The following RBFOX1 variants were observed in gnomAD, a reference collection of about 807,000 sequenced individuals.
RBFOX1 encodes the protein RNA binding protein fox-1 homolog 1.
Under a neutral mutation model 57.7 loss-of-function variants are expected in RBFOX1, and 8 were observed. That is an observed-to-expected ratio of 0.14 (90% CI 0.08 to 0.25). RBFOX1 has a LOEUF of 0.25. Ranked by LOEUF, RBFOX1 falls within the 10% of genes least tolerant of loss-of-function variation. The pLI, the probability that RBFOX1 is intolerant of heterozygous loss-of-function variation, is 1.00. For missense variants in RBFOX1, 611 were observed against 548.5 expected (o/e 1.11, Z -1.14); for synonymous variants, 326 against 222.4 (o/e 1.47, Z -4.15).
intron 13 of RBFOX1, among the ~76,000 whole-genome samples, chr16:7,668,016 G>C (rs772178332): frequency 3.9e-5 from 6 of 152,248 alleles, no homozygotes; most frequent in South Asian, 2.1e-4. Context: ...TCAGTTTCTA[G>C]CTTCGGTCAC....
intron 2 of RBFOX1, chr16:5,467,332 A>G (rs1244665237): frequency 2.2e-6 from 3 of 1,370,522 alleles, no homozygotes; most frequent in Non-Finnish European, 1.0e-6. Context: ...ATCTTGCGTC[A>G]CAGCCCTGCA....
chr16:5,652,067 G>A (rs559232492), intron 3 of RBFOX1, among the ~76,000 whole-genome samples: 1 of 152,274 alleles, frequency 6.6e-6, no homozygotes, highest in South Asian at 2.1e-4. Flanking sequence ...CTTGGAGGAA[G>A]AGGTTCTAGT....
At chr16:5,869,376 A>G (rs950338019) in intron 4 of RBFOX1, among the ~76,000 whole-genome samples, 1 of 152,278 alleles carries the variant, frequency 6.6e-6, no homozygotes, top group East Asian at 1.9e-4. Context: ...GAAAACGATC[A>G]TGTTGCCCCT....
At chr16:6,366,412 A>G (rs1466433723) in intron 2 of RBFOX1, among the ~76,000 whole-genome samples, 1 of 152,154 alleles carries the variant, frequency 6.6e-6, no homozygotes, top group Admixed American at 6.5e-5. Context: ...TACTACAGAC[A>G]TCATGTCCCC....
intron 3 of RBFOX1, among the ~76,000 whole-genome samples, chr16:5,726,483 T>G (rs1050409064): frequency 4.6e-5 from 7 of 152,196 alleles, no homozygotes; most frequent in African/African-American, 1.7e-4. Flanking sequence ...TGTCCCGCTT[T>G]CCTTCACTCT....
At chr16:7,052,846 T>C (rs948166134) in intron 4 of RBFOX1, among the ~76,000 whole-genome samples, 1 of 152,186 alleles carries the variant, frequency 6.6e-6, no homozygotes, top group African/African-American at 2.4e-5. Flanking sequence ...TTTCAGTGGA[T>C]GAGATTTAGA....
intron 4 of RBFOX1, among the ~76,000 whole-genome samples, chr16:5,974,494 C>T (rs1163574534): frequency 6.6e-6 from 1 of 151,968 alleles, no homozygotes; most frequent in African/African-American, 2.4e-5. Flanking sequence ...CCTGTAATCC[C>T]AGCTACTCGG....
chr16:6,366,838 G>T (rs1028286087), intron 2 of RBFOX1, among the ~76,000 whole-genome samples: 1 of 152,154 alleles, frequency 6.6e-6, no homozygotes, highest in Non-Finnish European at 1.5e-5. Flanking sequence ...CTCTGCTTTT[G>T]TGCTTTTCTG....
At chr16:6,192,954 A>G (rs2097151309) in intron 1 of RBFOX1, among the ~76,000 whole-genome samples, 1 of 152,166 alleles carries the variant, frequency 6.6e-6, no homozygotes, top group Non-Finnish European at 1.5e-5. Context: ...TAAATGTCCC[A>G]ACTCAGTGTG....
At chr16:6,973,989 C>T (rs1323458288) in intron 3 of RBFOX1, among the ~76,000 whole-genome samples, 1 of 152,104 alleles carries the variant, frequency 6.6e-6, no homozygotes, top group Non-Finnish European at 1.5e-5. Flanking sequence ...CATGTGTTCT[C>T]ATTGTTCAGC....
Position 5,513,916 on chromosome 16 carries a change from A to G in RBFOX1, c.258+46662A>G, listed in dbSNP as rs76459068. On this transcript the variant is annotated intron_variant, in intron 2 of 2. Coordinates refer to the RBFOX1 transcript ENST00000585867. ...TTGAGGTAAATAATACATTAATTCA[A>G]TATTTTAAGAAGATAGAATGAATGA... is the stretch of plus-strand genomic sequence containing the variant. Among the ~76,000 whole-genome samples the G allele has an allele frequency of 8.7e-3, 1,331 of 152,320 alleles. 19 individuals are homozygous for G. The highest frequency in any genetic ancestry group is 0.03 in the African/African-American group (1,253 of 41,572).
At chr16:6,977,515 C>G (rs1031416053) in intron 3 of RBFOX1, among the ~76,000 whole-genome samples, 2 of 152,042 alleles carry the variant, frequency 1.3e-5, no homozygotes, top group Non-Finnish European at 1.5e-5. Context: ...TTTTCCAGCC[C>G]TCACTCAAAA....
intron 3 of RBFOX1, among the ~76,000 whole-genome samples, chr16:6,764,197 C>T (rs1396955679): frequency 6.6e-6 from 1 of 152,166 alleles, no homozygotes; most frequent in Admixed American, 6.5e-5. Flanking sequence ...CCCACTTGAG[C>T]ATCTGAACTT....
At chr16:7,180,607 G>A (rs149568199) in intron 4 of RBFOX1, among the ~76,000 whole-genome samples, 11 of 152,076 alleles carry the variant, frequency 7.2e-5, no homozygotes, top group African/African-American at 2.7e-4. Flanking sequence ...TCTGTAAAAG[G>A]TGAGATGGTT....
intron 3 of RBFOX1, among the ~76,000 whole-genome samples, chr16:6,939,407 A>G (rs532444996): frequency 6.6e-6 from 1 of 151,794 alleles, no homozygotes; most frequent in African/African-American, 2.4e-5. Context: ...GTGTGTATAT[A>G]TATATATGTA....
At chr16:6,594,510 T>C (rs1188115310) in intron 2 of RBFOX1, among the ~76,000 whole-genome samples, 1 of 152,112 alleles carries the variant, frequency 6.6e-6, no homozygotes, top group Admixed American at 6.5e-5. Flanking sequence ...ATTGTTGACA[T>C]GTAGGAATCA....
intron 4 of RBFOX1, among the ~76,000 whole-genome samples, chr16:7,288,248 G>A (rs2095689463): frequency 2.6e-5 from 4 of 152,164 alleles, no homozygotes; most frequent in Admixed American, 1.3e-4. Flanking sequence ...CACTCTCAGA[G>A]AACTCTCACA....
intron 1 of RBFOX1, among the ~76,000 whole-genome samples, chr16:5,395,996 T>A (rs1238056149): frequency 6.6e-6 from 1 of 152,216 alleles, no homozygotes; most frequent in Non-Finnish European, 1.5e-5. Flanking sequence ...GCCCCACTGT[T>A]GCCTGAATTG....
At chr16:6,534,581 T>C (rs774286710) in intron 2 of RBFOX1, among the ~76,000 whole-genome samples, 1 of 152,156 alleles carries the variant, frequency 6.6e-6, no homozygotes, top group Non-Finnish European at 1.5e-5. Flanking sequence ...CACCAAATGT[T>C]TAGTAAATAT....
Sources: allele counts gnomAD v4.1 joint callset (sites outside exome capture counted in the v4.1 genomes callset), GRCh38; gene constraint gnomAD v4.1.1; transcripts MANE v1.5; gene names NCBI Gene and HGNC (gene_info 2026-07-23, HGNC 2026-07-21).